Variants in CYREN observed in about 807,000 individuals in gnomAD.
CYREN encodes the protein cell cycle regulator of NHEJ, also known as cell cycle regulator of non-homologous end joining.
Under a neutral mutation model 9.7 loss-of-function variants are expected in CYREN, and 7 were observed. The ratio of observed to expected loss-of-function variants is 0.72; its 90% CI spans 0.41 to 1.36. CYREN has a LOEUF of 1.36. CYREN is among the 40% of genes most tolerant of loss of function. The probability of loss-of-function intolerance (pLI) is 0.01; values close to 1 mark genes in which losing one functional copy is unlikely to be tolerated. For missense variants in CYREN, 215 were observed against 198.1 expected (o/e 1.09, Z -0.51); for synonymous variants, 76 against 77.9 (o/e 0.98, Z 0.13).
At chr7:135,134,171 T>C (rs1156316833) in intron 2 of CYREN, among the ~76,000 whole-genome samples, 13 of 152,120 alleles carry the variant, frequency 8.5e-5, no homozygotes, top group Non-Finnish European at 1.8e-4. Context: ...GATTGTGATA[T>C]TGTTCTATGG....
intron 2 of CYREN, among the ~76,000 whole-genome samples, chr7:135,103,552 A>G (rs1035899354): frequency 1.3e-5 from 2 of 152,194 alleles, no homozygotes; most frequent in Non-Finnish European, 2.9e-5. Context: ...ACTGTATTTA[A>G]CAGAAAGGCC....
Position 135,166,539 on chromosome 7 carries a change from C to G in CYREN, c.*72G>C, listed in dbSNP as rs1473588969. On this transcript the variant is annotated 3_prime_UTR_variant, in exon 4 of 4. Transcript: ENST00000393114. The stretch of plus-strand genomic sequence containing the variant: ...AGCCCCATTCCCACAGGCGGGCGGC[C>G]CAGCAGCACCAGTGGAAGCTCAGCT... The G allele has an allele frequency of 6.6e-7, 1 of 1,510,944 alleles. No homozygotes were observed. Among genetic ancestry groups the G allele is most frequent in the African/African-American group, 1.4e-5 (1 of 72,342 alleles). The allele number at this position is 1,510,944 out of a possible 1,614,324, so 93.6% of individuals were successfully genotyped here. A position where few individuals can be genotyped will look rare whatever the true frequency, so the allele number is the denominator to read the frequency against.
chr7:135,135,563 C>T (rs560571603), intron 2 of CYREN: 1 of 203,598 alleles, frequency 4.9e-6, no homozygotes, highest in South Asian at 1.7e-4. Context: ...ACACATTCGA[C>T]ACCAAAAAAA....
At chr7:135,111,068 T>G (rs1031363585) in intron 2 of CYREN, among the ~76,000 whole-genome samples, 1 of 152,334 alleles carries the variant, frequency 6.6e-6, no homozygotes, top group Non-Finnish European at 1.5e-5. Flanking sequence ...ATCTCCCCTT[T>G]ACCCTCAGTA....
chr7:135,161,934 C>CT (rs144838707), downstream of CYREN, among the ~76,000 whole-genome samples: 74 of 152,360 alleles, frequency 4.9e-4, no homozygotes, highest in East Asian at 0.013. The surrounding 1 kb of genome is among the most constrained non-coding windows in gnomAD (Gnocchi z 4.1). Context: ...GAAGCGGCAT[C>CT]TGAGGGGAGG....
chr7:135,148,474 A>G (rs1339200905), intron 2 of CYREN, among the ~76,000 whole-genome samples: 1 of 151,828 alleles, frequency 6.6e-6, no homozygotes, highest in Non-Finnish European at 1.5e-5. Context: ...CCTTCCTTCC[A>G]CTCTTCGGCA....
intron 2 of CYREN, chr7:135,128,844 T>C: frequency 8.3e-7 from 1 of 1,200,466 alleles, no homozygotes; most frequent in Non-Finnish European, 1.2e-6. Flanking sequence ...GGATGTGGAA[T>C]CATTGTTAAA....
At chr7:135,133,263 A>G (rs1829047887) in intron 2 of CYREN, among the ~76,000 whole-genome samples, 1 of 152,240 alleles carries the variant, frequency 6.6e-6, no homozygotes, top group South Asian at 2.1e-4. Flanking sequence ...AAAGTATACA[A>G]CATGAATAAG....
intron 2 of CYREN, among the ~76,000 whole-genome samples, chr7:135,118,787 A>G (rs1270025472): frequency 6.6e-6 from 1 of 152,138 alleles, no homozygotes; most frequent in African/African-American, 2.4e-5. Context: ...TGGAAGAAAT[A>G]AAAAAATAGC....
chr7:135,112,730 C>G (rs1825812226), intron 2 of CYREN, among the ~76,000 whole-genome samples: 1 of 152,156 alleles, frequency 6.6e-6, no homozygotes, highest in Non-Finnish European at 1.5e-5. Context: ...CATCTATTTA[C>G]CAAACAAAAA....
At chr7:135,150,153 A>G (rs951386864) in intron 2 of CYREN, among the ~76,000 whole-genome samples, 1 of 152,050 alleles carries the variant, frequency 6.6e-6, no homozygotes, top group Non-Finnish European at 1.5e-5. Flanking sequence ...GGGTATGTGG[A>G]GTGAGATGAG....
At chr7:135,097,529 A>C (rs1371352097) in intron 2 of CYREN, among the ~76,000 whole-genome samples, 1 of 152,158 alleles carries the variant, frequency 6.6e-6, no homozygotes, top group Non-Finnish European at 1.5e-5. Context: ...AAATTTTGGC[A>C]TGTTTCATTC....
At chr7:135,119,024 A>G (rs1342936234) in intron 2 of CYREN, among the ~76,000 whole-genome samples, 1 of 152,204 alleles carries the variant, frequency 6.6e-6, no homozygotes, top group African/African-American at 2.4e-5. Flanking sequence ...AGGCACCTGT[A>G]GGACTATAAG....
intron 2 of CYREN, among the ~76,000 whole-genome samples, chr7:135,125,502 C>T (rs1002063828): frequency 1.3e-5 from 2 of 152,126 alleles, no homozygotes; most frequent in Admixed American, 6.5e-5. Flanking sequence ...GAAACTACTC[C>T]AAACAATTGA....
chr7:135,131,306 C>T (rs940968415), intron 2 of CYREN, among the ~76,000 whole-genome samples: 1 of 151,844 alleles, frequency 6.6e-6, no homozygotes, highest in Non-Finnish European at 1.5e-5. Flanking sequence ...CACACCAGGG[C>T]CTGTTGCGGG....
At chr7:135,136,740 T>C (rs1829353556) in intron 2 of CYREN, among the ~76,000 whole-genome samples, 1 of 152,086 alleles carries the variant, frequency 6.6e-6, no homozygotes, top group Non-Finnish European at 1.5e-5. Flanking sequence ...TGAAATGTCA[T>C]TTGAATCTTC....
chr7:135,139,049 G>A (rs1041427002), intron 2 of CYREN, among the ~76,000 whole-genome samples: 2 of 152,040 alleles, frequency 1.3e-5, no homozygotes, highest in Non-Finnish European at 2.9e-5. Context: ...GTGCTACAGT[G>A]AACATACACA....
chr7:135,135,076 G>A lies in CYREN; in HGVS notation n.356+33673C>T. 4 of 1,551,232 alleles carry A rather than the reference G, an allele frequency of 2.6e-6. No homozygotes were observed. Among genetic ancestry groups the A allele is most frequent in the Non-Finnish European group, 3.5e-6 (4 of 1,146,678 alleles). ...CATAAAACCTCTCAGCAGCAAGTGG[G>A]AGACTGCTTCTTCAAGCTTTGGAAT... On this transcript the variant is annotated intron_variant and non_coding_transcript_variant, in intron 2 of 2. Coordinates refer to the CYREN transcript ENST00000459937.
chr7:135,156,611 A>T (rs1252207349), intron 2 of CYREN, among the ~76,000 whole-genome samples: 1 of 151,938 alleles, frequency 6.6e-6, no homozygotes, highest in Non-Finnish European at 1.5e-5. Flanking sequence ...TATATCCTGG[A>T]TTAATTTTCT....
Sources: gnomAD v4.1 joint callset for allele counts (sites outside exome capture counted in the v4.1 genomes callset) on GRCh38, gnomAD v4.1.1 for gene constraint, Gnocchi (gnomAD v3.1) non-coding constraint, MANE v1.5 for transcripts, NCBI Gene and HGNC (gene_info 2026-07-23, HGNC 2026-07-21) for gene names.